The following ARID5B variants were observed in gnomAD, a reference collection of about 807,000 sequenced individuals.
The protein encoded by ARID5B is AT-rich interaction domain 5B.
A neutral mutation model predicts 97.2 loss-of-function variants in ARID5B; 13 were observed. The observed-to-expected ratio is 0.13, with a 90% CI of 0.09 to 0.21. ARID5B has a LOEUF of 0.21. Among genes scored for constraint, ARID5B ranks in the 10% least tolerant of loss-of-function variants. ARID5B has a pLI of 1.00. For missense variants in ARID5B, 1,210 were observed against 1,465.3 expected (o/e 0.83, Z 2.84); for synonymous variants, 556 against 570.3 (o/e 0.97, Z 0.36).
chr10:62,053,867 G>A (rs1379682536), intron 5 of ARID5B, among the ~76,000 whole-genome samples: 1 of 152,152 alleles, frequency 6.6e-6, no homozygotes, highest in African/African-American at 2.4e-5. Flanking sequence ...TTGGTCCTCA[G>A]AACTATTCCC....
rs554496616 is a variant in ARID5B at position 62,000,081 on chromosome 10, G to A, written c.503-10G>A. 17 of 1,613,318 alleles carry A rather than the reference G, an allele frequency of 1.1e-5. 1 individual carries two copies. Among genetic ancestry groups the A allele is most frequent in the Middle Eastern group, 1.7e-4 (1 of 6,054 alleles). On this transcript the variant is annotated splice_polypyrimidine_tract_variant and intron_variant, in intron 3 of 9. Transcript: ENST00000279873. The surrounding 1 kb of genome is among the most constrained non-coding windows in gnomAD (Gnocchi z 4.4). ...AAGAGGGTAATGGAAGTGTTTTCTC[G>A]TTTGTCTAGGGGAGGACGAGGAAGA... is the stretch of plus-strand genomic sequence containing the variant.
intron 3 of ARID5B, among the ~76,000 whole-genome samples, chr10:61,959,740 C>A (rs557806262): frequency 6.6e-6 from 1 of 152,174 alleles, no homozygotes; most frequent in Non-Finnish European, 1.5e-5. Flanking sequence ...GCCACTCAGG[C>A]ATCTCAGCTA....
chr10:61,919,640 A>G (rs1589218975), intron 2 of ARID5B, among the ~76,000 whole-genome samples: 1 of 152,356 alleles, frequency 6.6e-6, no homozygotes. Flanking sequence ...TCCAAAATAT[A>G]TAGGTTATAA....
At chr10:62,089,059 CTGAG>C (rs1242332571) in intron 9 of ARID5B, among the ~76,000 whole-genome samples, 1 of 152,190 alleles carries the variant, frequency 6.6e-6, no homozygotes, top group Non-Finnish European at 1.5e-5. Context: ...TTCAATGAGA[CTGAG>C]TATCCCTCAT....
At chr10:61,988,427 T>A (rs1838875946) in intron 3 of ARID5B, among the ~76,000 whole-genome samples, 1 of 152,204 alleles carries the variant, frequency 6.6e-6, no homozygotes, top group South Asian at 2.1e-4. Context: ...GTCTTAACAG[T>A]TGAAGCTTTT....
At chr10:61,986,324 A>G (rs1375581439) in intron 3 of ARID5B, among the ~76,000 whole-genome samples, 1 of 152,198 alleles carries the variant, frequency 6.6e-6, no homozygotes, top group Non-Finnish European at 1.5e-5. Context: ...TAAGCACATG[A>G]AAGGGCTTTA....
At chr10:62,053,396 G>A (rs1448931985) in intron 5 of ARID5B, among the ~76,000 whole-genome samples, 1 of 152,138 alleles carries the variant, frequency 6.6e-6, no homozygotes, top group Non-Finnish European at 1.5e-5. Flanking sequence ...TCAAAACGTT[G>A]CACTCCCTCA....
chr10:62,045,653 GT>G (rs753074705), intron 4 of ARID5B, among the ~76,000 whole-genome samples: 6 of 151,992 alleles, frequency 3.9e-5, no homozygotes, highest in Admixed American at 1.3e-4. Context: ...GTTTCACTAT[GT>G]TAACCAGGCT....
intron 2 of ARID5B, among the ~76,000 whole-genome samples, chr10:61,931,253 C>T (rs1371020933): frequency 2.0e-5 from 3 of 152,102 alleles, no homozygotes; most frequent in Admixed American, 2.0e-4. Context: ...GGAATTAAAA[C>T]TGAGAAATAA....
chr10:62,079,910 C>T (rs1331337741), intron 8 of ARID5B, among the ~76,000 whole-genome samples: 1 of 152,174 alleles, frequency 6.6e-6, no homozygotes, highest in Non-Finnish European at 1.5e-5. Context: ...GGTTATATTT[C>T]ATCGTTGTTA....
intron 2 of ARID5B, among the ~76,000 whole-genome samples, chr10:61,928,072 T>G (rs1426654150): frequency 1.3e-5 from 2 of 152,104 alleles, no homozygotes; most frequent in Non-Finnish European, 2.9e-5. Flanking sequence ...TTCAGGCTGG[T>G]CCCTTCAGGC....
intron 8 of ARID5B, among the ~76,000 whole-genome samples, chr10:62,077,984 A>G (rs1840160852): frequency 6.6e-6 from 1 of 152,240 alleles, no homozygotes; most frequent in African/African-American, 2.4e-5. Flanking sequence ...TAACTCTTCC[A>G]CTGAAAACCT....
At chr10:62,067,671 T>C (rs887864487) in intron 7 of ARID5B, among the ~76,000 whole-genome samples, 20 of 152,194 alleles carry the variant, frequency 1.3e-4, no homozygotes, top group Non-Finnish European at 2.9e-4. Flanking sequence ...GGAAGCTGCT[T>C]TATGCAGTGA....
intron 2 of ARID5B, among the ~76,000 whole-genome samples, chr10:61,912,826 C>G (rs146938368): frequency 1.3e-5 from 2 of 152,068 alleles, no homozygotes; most frequent in African/African-American, 4.8e-5. Context: ...AGTTACCCCC[C>G]AGTTGCTTGT....
At chr10:61,916,319 C>T (rs1843903148) in intron 2 of ARID5B, among the ~76,000 whole-genome samples, 1 of 152,128 alleles carries the variant, frequency 6.6e-6, no homozygotes, top group African/African-American at 2.4e-5. Context: ...GAGCCATGCC[C>T]ACGTTTACAA....
chr10:61,905,090 T>C (rs1200645744), intron 2 of ARID5B, among the ~76,000 whole-genome samples: 1 of 152,260 alleles, frequency 6.6e-6, no homozygotes. Flanking sequence ...ATTTTTATTA[T>C]TGATTTTAAA....
intron 3 of ARID5B, among the ~76,000 whole-genome samples, chr10:61,967,285 A>G (rs1838559190): frequency 6.6e-6 from 1 of 152,242 alleles, no homozygotes; most frequent in Non-Finnish European, 1.5e-5. Context: ...ACTTTAAGAT[A>G]TATCTTCCTA....
intron 3 of ARID5B, among the ~76,000 whole-genome samples, chr10:61,957,513 C>A (rs1449598245): frequency 6.6e-6 from 1 of 152,228 alleles, no homozygotes; most frequent in Non-Finnish European, 1.5e-5. Flanking sequence ...AGGTGATCCA[C>A]CTGCCTTAGC....
intron 3 of ARID5B, among the ~76,000 whole-genome samples, chr10:61,962,304 G>C (rs1838482367): frequency 6.6e-6 from 1 of 152,194 alleles, no homozygotes. Context: ...CTTTAAAAGG[G>C]AGTGCACTTT....
Sources: gnomAD v4.1 joint callset for allele counts (sites outside exome capture counted in the v4.1 genomes callset) on GRCh38, gnomAD v4.1.1 for gene constraint, Gnocchi (gnomAD v3.1) non-coding constraint, MANE v1.5 for transcripts, NCBI Gene and HGNC (gene_info 2026-07-23, HGNC 2026-07-21) for gene names.